The following DCDC2C variants were observed in gnomAD, a reference collection of about 807,000 sequenced individuals.
DCDC2C encodes doublecortin domain-containing protein 2C.
DCDC2C carries 44 observed loss-of-function variants against 45.0 expected under a neutral mutation model. The ratio of observed to expected loss-of-function variants is 0.98; its 90% confidence interval spans 0.77 to 1.26. DCDC2C has a LOEUF of 1.26. DCDC2C is among the 50% of genes most tolerant of loss of function. DCDC2C has a pLI of 0.00. For synonymous variants in DCDC2C, 187 were observed against 178.8 expected (o/e 1.05, Z -0.37); for missense variants, 447 against 468.9 (o/e 0.95, Z 0.43).
chr2:3,796,853 G>A lies in DCDC2C; in HGVS notation c.1065+11753G>A, dbSNP rs1470063469. Among the ~76,000 whole-genome samples, 9 of 151,860 alleles carry A rather than the reference G, an allele frequency of 5.9e-5. No homozygotes were observed. In the South Asian group the frequency reaches 1.5e-3, roughly 25 times the overall value. On this transcript the variant is annotated intron_variant, in intron 10 of 10. Transcript: ENST00000399143. The stretch of plus-strand genomic sequence containing the variant: ...CTCTTTTTTGGTTGTGTCTCTGCCC[G>A]GCTTTGGTATCAGGATGATGCTGGC...
intron 10 of DCDC2C, among the ~76,000 whole-genome samples, chr2:3,815,607 G>A (rs886364702): frequency 6.6e-6 from 1 of 152,222 alleles, no homozygotes; most frequent in African/African-American, 2.4e-5. Context: ...CAACAAGGCT[G>A]TTTATTTCAC....
chr2:3,762,266 G>T (rs1669899237), intron 6 of DCDC2C, among the ~76,000 whole-genome samples: 1 of 150,858 alleles, frequency 6.6e-6, no homozygotes, highest in African/African-American at 2.4e-5. Context: ...TTGGAAACTT[G>T]CAGGCTGGAA....
chr2:3,738,156 A>G (rs961319723), intron 3 of DCDC2C, among the ~76,000 whole-genome samples: 1 of 152,248 alleles, frequency 6.6e-6, no homozygotes, highest in African/African-American at 2.4e-5. Context: ...CTACATTTGA[A>G]CTGATGAAAT....
chr2:3,759,459 A>G (rs923192138), intron 6 of DCDC2C, among the ~76,000 whole-genome samples: 16 of 152,184 alleles, frequency 1.1e-4, no homozygotes, highest in African/African-American at 3.9e-4. Context: ...AGTATGATTC[A>G]TGGAATCTTG....
chr2:3,791,108 C>CA lies in DCDC2C; in HGVS notation c.1065+6017dup, dbSNP rs11453433. Among the ~76,000 whole-genome samples, 1,184 of 150,110 alleles carry CA rather than the reference C, an allele frequency of 7.9e-3. 14 individuals carry two copies. Among genetic ancestry groups the CA allele is most frequent in the African/African-American group, 0.028 (1,129 of 40,830 alleles). On this transcript the variant is annotated intron_variant, in intron 10 of 10. Coordinates refer to ENST00000399143, the MANE Select transcript of DCDC2C (RefSeq NM_001287444.2). ...TGGGCCACAGAGTGAGACTCTGTCT[C>CA]AAAAAAAAAGAAAATTTTGTGGTTC...
intron 3 of DCDC2C, among the ~76,000 whole-genome samples, chr2:3,730,846 C>T (rs1231008702): frequency 6.6e-6 from 1 of 152,224 alleles, no homozygotes; most frequent in African/African-American, 2.4e-5. Context: ...CAGTGGTATA[C>T]TGAGTTGATC....
intron 10 of DCDC2C, among the ~76,000 whole-genome samples, chr2:3,822,764 A>T (rs541541191): frequency 2.9e-4 from 44 of 152,072 alleles, no homozygotes; most frequent in Non-Finnish European, 5.3e-4. Flanking sequence ...ATTTAAAGCT[A>T]TACATTTCTA....
chr2:3,736,044 T>G (rs1457729353), intron 3 of DCDC2C, among the ~76,000 whole-genome samples: 1 of 152,058 alleles, frequency 6.6e-6, no homozygotes, highest in African/African-American at 2.4e-5. Flanking sequence ...ATCCATGGAG[T>G]TTCTTATCCA....
chr2:3,832,195 T>A (rs1420258737), intron 10 of DCDC2C, among the ~76,000 whole-genome samples: 4 of 152,248 alleles, frequency 2.6e-5, no homozygotes, highest in African/African-American at 4.8e-5. Context: ...TTGTCTGTTT[T>A]CACCATACAT....
intron 10 of DCDC2C, among the ~76,000 whole-genome samples, chr2:3,813,732 CT>C (rs3067128): frequency 0.32 from 32,013 of 98,994 alleles, 3,602 homozygotes; most frequent in East Asian, 0.46. Flanking sequence ...GCAACCCCTG[CT>C]TTTTTTTTTT....
intron 2 of DCDC2C, among the ~76,000 whole-genome samples, chr2:3,720,133 A>G (rs1432694821): frequency 6.6e-6 from 1 of 152,162 alleles, no homozygotes; most frequent in Non-Finnish European, 1.5e-5. Flanking sequence ...CCCTCTGGGG[A>G]GCTGGTGTGG....
At chr2:3,797,819 T>G (rs1162018715) in intron 10 of DCDC2C, among the ~76,000 whole-genome samples, 1 of 151,150 alleles carries the variant, frequency 6.6e-6, no homozygotes, top group Non-Finnish European at 1.5e-5. Flanking sequence ...ATAGGTGTGG[T>G]GTGGTGCTGA....
rs552735624 is a variant in DCDC2C at position 3,813,418 on chromosome 2, T to G, written c.1065+28318T>G. On this transcript the variant is annotated intron_variant, in intron 10 of 10. Coordinates refer to ENST00000399143, the MANE Select transcript of DCDC2C (RefSeq NM_001287444.2). ...GGTAGAGTGTTCTGTAGACATCTGATAGGTCCACTTTATCCAGAGTTGAGT... is the reference window on the plus strand; with the variant it reads ...GGTAGAGTGTTCTGTAGACATCTGAGAGGTCCACTTTATCCAGAGTTGAGT... Among the ~76,000 whole-genome samples, 176 of 152,250 alleles carry G rather than the reference T, an allele frequency of 1.2e-3. 2 individuals are homozygous for G. The highest frequency in any genetic ancestry group is 2.6e-3 in the Admixed American group (39 of 15,288).
chr2:3,766,067 CGTTTTGG>C (rs1164259186), intron 6 of DCDC2C, among the ~76,000 whole-genome samples: 1 of 152,136 alleles, frequency 6.6e-6, no homozygotes, highest in Non-Finnish European at 1.5e-5. Flanking sequence ...AAGTTACTTT[CGTTTTGG>C]GTGACTTTCC....
chr2:3,766,092 G>T (rs945656377), intron 6 of DCDC2C, among the ~76,000 whole-genome samples: 4 of 152,106 alleles, frequency 2.6e-5, no homozygotes, highest in African/African-American at 9.7e-5. Context: ...TCCACGTCAG[G>T]GTGGAGGCTC....
Position 3,703,990 on chromosome 2 carries a change from C to T in DCDC2C, c.239C>T (p.Ala80Val). 3.1e-6 allele frequency: 4 copies of T among 1,294,550 alleles called. No individual in the cohort carries two copies. The highest frequency in any genetic ancestry group is 2.3e-5 in the South Asian group (1 of 43,986). 80.2% of individuals were successfully genotyped at this position (1,294,550 alleles called of 1,614,324 possible). A position where few individuals can be genotyped will look rare whatever the true frequency, so the allele number is the denominator to read the frequency against. The change falls in exon 1 of 11, where the codon GCG (alanine) becomes GTG (valine). Residue 80 changes from alanine (A) to valine (V), a missense_variant. Transcript: ENST00000399143. The surrounding 1 kb of genome is among the most constrained non-coding windows in gnomAD (Gnocchi z 4.4). Reference sequence around the variant, plus strand: ...GTGCTGGGGCTGGACGCGCTGCAGGCGGGCGGCAAGTACGTGGCGGCGGGC... The same window carrying T: ...GTGCTGGGGCTGGACGCGCTGCAGGTGGGCGGCAAGTACGTGGCGGCGGGC... The part of the protein sequence containing the change: ...HRVLGLDALQ[A>V]GGKYVAAGRE...
At chr2:3,725,716 G>A (rs1668648003) in intron 2 of DCDC2C, among the ~76,000 whole-genome samples, 1 of 148,936 alleles carries the variant, frequency 6.7e-6, no homozygotes, top group South Asian at 2.1e-4. Flanking sequence ...TGAGCAAAGA[G>A]TGACGAGGCT....
intron 2 of DCDC2C, among the ~76,000 whole-genome samples, chr2:3,710,898 C>T (rs1052439716): frequency 2.0e-5 from 3 of 152,094 alleles, no homozygotes; most frequent in Admixed American, 6.5e-5. Context: ...TTTGCTATAC[C>T]GAATAGTGCT....
intron 10 of DCDC2C, 24 bp downstream of exon 10, chr2:3,785,124 T>C: frequency 8.1e-7 from 1 of 1,231,464 alleles, no homozygotes; most frequent in South Asian, 4.1e-5. Flanking sequence ...ACAAATGCTG[T>C]AGTTTTGCGT....
Sources: gnomAD v4.1 joint callset for allele counts (sites outside exome capture counted in the v4.1 genomes callset) on GRCh38, gnomAD v4.1.1 for gene constraint, Gnocchi (gnomAD v3.1) non-coding constraint, MANE v1.5 for transcripts, NCBI Gene and HGNC (gene_info 2026-07-23, HGNC 2026-07-21) for gene names.